The following ANXA2 variants were observed in gnomAD, a reference collection of about 807,000 sequenced individuals.
ANXA2 encodes annexin A2, also known as annexin II.
Under a neutral mutation model 47.3 loss-of-function variants are expected in ANXA2, and 28 were observed. That is an observed-to-expected ratio of 0.59 (90% CI 0.44 to 0.81). ANXA2 has a LOEUF of 0.81. Ranked by LOEUF, ANXA2 falls within the 40% of genes least tolerant of loss-of-function variation. The pLI is 0.00. For missense variants in ANXA2, 384 were observed against 414.3 expected, an observed-to-expected ratio of 0.93 and a Z score of 0.64; for synonymous variants, 172 against 155.5, an observed-to-expected ratio of 1.11 and a Z score of -0.79.
chr15:60,395,900 C>T (rs989704013), intron 1 of ANXA2: 1 of 152,162 alleles, frequency 6.6e-6, no homozygotes, highest in African/African-American at 2.4e-5. Flanking sequence ...TTTGGACAAA[C>T]CCTTGACCTT....
intron 1 of ANXA2, chr15:60,393,689 C>T: frequency 1.4e-5 from 14 of 985,380 alleles, no homozygotes; most frequent in Non-Finnish European, 1.7e-5. Flanking sequence ...TGCCGCCTTT[C>T]TCACACACCC....
intron 3 of ANXA2, among the ~76,000 whole-genome samples, chr15:60,366,238 C>G (rs1403496480): frequency 1.3e-5 from 2 of 151,108 alleles, no homozygotes; most frequent in African/African-American, 2.4e-5. Flanking sequence ...TCCCAAAGAG[C>G]CCAGATTGCA....
rs73418036 is a variant in ANXA2 at position 60,387,687 on chromosome 15, C to A, written c.-11-1601G>T. On this transcript the variant is annotated intron_variant, in intron 1 of 12. Coordinates refer to ENST00000451270, the MANE Select transcript of ANXA2 (RefSeq NM_004039.3). ...TCTGATATTGTAATGGTGGATGCAT[C>A]TATGTACAACACCAACAGTGAATGC... Among the ~76,000 whole-genome samples the A allele has an allele frequency of 2.5e-3, 381 of 152,290 alleles. 1 individual carries two copies. Among genetic ancestry groups the A allele is most frequent in the African/African-American group, 8.6e-3 (359 of 41,558 alleles).
rs756484498 is a variant in ANXA2 at position 60,351,273 on chromosome 15, T to G, written c.779-22A>C. 1.8e-5 allele frequency: 29 copies of G among 1,613,238 alleles called. No homozygotes were observed. In the South Asian group the frequency reaches 2.3e-4, roughly 13 times the overall value. ...TGAACTGTGGAGAGAAGAAAGGGAG[T>G]CAGCGCTGCAGCTGCTCTGGTCTCT... On this transcript the variant is annotated intron_variant, in intron 10 of 12. Transcript: ENST00000451270.
At chr15:60,360,557 G>A (rs1377427141) in intron 5 of ANXA2, among the ~76,000 whole-genome samples, 3 of 152,154 alleles carry the variant, frequency 2.0e-5, no homozygotes, top group Admixed American at 6.5e-5. Context: ...AAACACCCAC[G>A]AAAGGATGGG....
chr15:60,359,363 G>A (rs185652593), intron 5 of ANXA2, among the ~76,000 whole-genome samples: 12 of 152,288 alleles, frequency 7.9e-5, no homozygotes, highest in Admixed American at 7.2e-4. Context: ...AAGTGTTGAT[G>A]GTCAGAAGAA....
At chr15:60,363,367 T>C (rs1190197451) in intron 4 of ANXA2, among the ~76,000 whole-genome samples, 1 of 152,176 alleles carries the variant, frequency 6.6e-6, no homozygotes, top group African/African-American at 2.4e-5. Flanking sequence ...GGGATGGAAG[T>C]GTAGCAAGGC....
chr15:60,374,602 T>G, intron 3 of ANXA2: 1 of 456,098 alleles, frequency 2.2e-6, no homozygotes, highest in South Asian at 1.5e-5. Context: ...AGGCAGGTGA[T>G]GAAAGCTGAT....
chr15:60,386,809 T>C (rs996756185), intron 1 of ANXA2: 1 of 152,206 alleles, frequency 6.6e-6, no homozygotes, highest in African/African-American at 2.4e-5. Flanking sequence ...TTCTCGGAAT[T>C]GATACACCCA....
At chr15:60,372,794 A>AATGATCCT (rs2140881852) in intron 3 of ANXA2, among the ~76,000 whole-genome samples, 1 of 151,704 alleles carries the variant, frequency 6.6e-6, no homozygotes, top group East Asian at 1.9e-4. Flanking sequence ...CCTGGGCCCA[A>AATGATCCT]ATGATCCTCC....
chr15:60,383,715 C>T (rs902948963), intron 2 of ANXA2: 3 of 150,054 alleles, frequency 2.0e-5, no homozygotes, highest in African/African-American at 7.4e-5. Context: ...CTGCAACCCA[C>T]CCCAACCCCC....
intron 1 of ANXA2, chr15:60,393,215 A>G (rs2063037400): frequency 1.8e-6 from 2 of 1,129,278 alleles, no homozygotes; most frequent in African/African-American, 3.3e-5. Flanking sequence ...GATCTGAATC[A>G]ATATTTGTTT....
intron 2 of ANXA2, chr15:60,384,092 A>C (rs1304889837): frequency 6.6e-6 from 1 of 152,258 alleles, no homozygotes; most frequent in African/African-American, 2.4e-5. Flanking sequence ...CTTTCCAGTA[A>C]GATGAACTTG....
rs905889415 is a variant in ANXA2 at position 60,381,290 on chromosome 15, C to T, written c.148+1052G>A. On this transcript the variant is annotated intron_variant, in intron 3 of 12. Coordinates refer to ENST00000451270, the MANE Select transcript of ANXA2 (RefSeq NM_004039.3). ...GTGACATGGCTCTTCACCAGGGGCACGAACCAGCAGCAGCTCTAATTGTGC... is the reference window on the plus strand; with the variant it reads ...GTGACATGGCTCTTCACCAGGGGCATGAACCAGCAGCAGCTCTAATTGTGC... Among the ~76,000 whole-genome samples the T allele has an allele frequency of 4.6e-5, 7 of 152,222 alleles. No individual in the cohort carries two copies. The South Asian group carries it at 6.2e-4, about 14-fold the overall frequency.
At chr15:60,360,058 A>G (rs2062490952) in intron 5 of ANXA2, among the ~76,000 whole-genome samples, 2 of 152,218 alleles carry the variant, frequency 1.3e-5, no homozygotes, top group Non-Finnish European at 2.9e-5. Flanking sequence ...GGAGTTTGAG[A>G]CCAGCCTGAC....
intron 5 of ANXA2, among the ~76,000 whole-genome samples, chr15:60,357,615 A>T (rs1456005606): frequency 6.6e-6 from 1 of 152,168 alleles, no homozygotes; most frequent in African/African-American, 2.4e-5. Context: ...AACACAGTGA[A>T]ACCCCATCTC....
intron 1 of ANXA2, among the ~76,000 whole-genome samples, chr15:60,391,857 A>C (rs908508197): frequency 3.3e-5 from 5 of 151,226 alleles, no homozygotes; most frequent in Admixed American, 6.6e-5. Context: ...CAACACTTCA[A>C]CCTCACCCAG....
chr15:60,394,090 T>C (rs913431790), intron 1 of ANXA2, among the ~76,000 whole-genome samples: 4 of 152,134 alleles, frequency 2.6e-5, no homozygotes, highest in African/African-American at 2.4e-5. Flanking sequence ...TATCAACATA[T>C]AGCCATGCCC....
intron 3 of ANXA2, among the ~76,000 whole-genome samples, chr15:60,367,552 G>A (rs1288542432): frequency 3.1e-5 from 2 of 64,286 alleles, no homozygotes; most frequent in African/African-American, 8.0e-5. Context: ...CGCCCCGTCC[G>A]GGAGGGAGGT....
Sources: gnomAD v4.1 joint callset for allele counts (sites outside exome capture counted in the v4.1 genomes callset) on GRCh38, gnomAD v4.1.1 for gene constraint, MANE v1.5 for transcripts, NCBI Gene and HGNC (gene_info 2026-07-23, HGNC 2026-07-21) for gene names.